LNPK: variants seen among roughly 807,000 people sequenced by gnomAD.
The protein encoded by LNPK is lunapark, ER junction formation factor.
Under a neutral mutation model 55.2 loss-of-function variants are expected in LNPK, and 29 were observed. The observed-to-expected ratio is 0.53, with a 90% CI of 0.39 to 0.72. The LOEUF (loss-of-function observed/expected upper bound fraction) is 0.72. Among genes scored for constraint, LNPK ranks in the 30% least tolerant of loss-of-function variants. LNPK has a pLI of 0.00. For synonymous variants in LNPK, 162 were observed against 168.2 expected (o/e 0.96, Z 0.29); for missense variants, 467 against 494.8 (o/e 0.94, Z 0.53).
rs1452955369 is a variant in LNPK, at chr2:175,930,721, C to G, written c.1055-522G>C. Among the ~76,000 whole-genome samples the G allele has an allele frequency of 3.3e-5, 5 of 152,138 alleles. No homozygotes were observed. In the East Asian group the frequency reaches 7.7e-4, roughly 24 times the overall value. On this transcript the variant is annotated intron_variant, in intron 12 of 12. Coordinates refer to ENST00000272748, the MANE Select transcript of LNPK (RefSeq NM_030650.3). ...GGTGCGTTCCTACACTGATATACAT[C>G]TCTATTATCCAAAAACTGGGAAGTC...
chr2:175,952,894 A>G (rs1424668720), intron 8 of LNPK, among the ~76,000 whole-genome samples: 1 of 152,092 alleles, frequency 6.6e-6, no homozygotes, highest in African/African-American at 2.4e-5. Flanking sequence ...GCTAGGAACC[A>G]TGCTAGGCAC....
chr2:175,956,327 C>T (rs537691579), intron 8 of LNPK, among the ~76,000 whole-genome samples: 25 of 148,518 alleles, frequency 1.7e-4, no homozygotes, highest in African/African-American at 6.2e-4. Context: ...CTCCAAAAAT[C>T]TGATCATTCT....
Position 175,938,134 on chromosome 2 carries a change from T to C in LNPK, c.883+179A>G, listed in dbSNP as rs143382927. Among the ~76,000 whole-genome samples, 298 of 152,274 alleles carry C rather than the reference T, an allele frequency of 2.0e-3. 4 individuals carry two copies. Among genetic ancestry groups the C allele is most frequent in the African/African-American group, 6.8e-3 (283 of 41,574 alleles). On this transcript the variant is annotated intron_variant, in intron 11 of 12. Transcript: ENST00000272748. Reference sequence around the variant, plus strand: ...CAACTGGCCTAGGGGCTGTACATTATATAGGAAGAAACCTGAATTGTCTTC... The same window carrying C: ...CAACTGGCCTAGGGGCTGTACATTACATAGGAAGAAACCTGAATTGTCTTC...
chr2:175,959,770 C>T (rs892252621), intron 8 of LNPK, among the ~76,000 whole-genome samples: 22 of 151,806 alleles, frequency 1.4e-4, no homozygotes, highest in Admixed American at 5.9e-4. Flanking sequence ...GACTGGCAAA[C>T]TGGATAGAGT....
chr2:175,987,676 A>T lies in LNPK; in HGVS notation c.257+4555T>A, dbSNP rs1002220652. ...TACCCTAAAACTTAAAGTATAATTA[A>T]AAAAAAAAAAATCACTACATTCCTA... On this transcript the variant is annotated intron_variant, in intron 4 of 12. Transcript: ENST00000272748. Among the ~76,000 whole-genome samples, 7 of 12,638 alleles carry T rather than the reference A, an allele frequency of 5.5e-4. No homozygotes were observed. In the East Asian group the frequency reaches 0.021, roughly 37 times the overall value. The allele number at this position is 12,638 out of a possible 152,430, so 8.3% of individuals were successfully genotyped here. A position where few individuals can be genotyped will look rare whatever the true frequency, so the allele number is the denominator to read the frequency against.
At chr2:175,957,307 G>T (rs896946259) in intron 8 of LNPK, among the ~76,000 whole-genome samples, 1 of 151,854 alleles carries the variant, frequency 6.6e-6, no homozygotes, top group African/African-American at 2.4e-5. Context: ...GCAGCAAGCC[G>T]AGATCACGCC....
intron 11 of LNPK, 160 bp from the exon 12 acceptor site, chr2:175,937,674 G>A: frequency 2.0e-6 from 1 of 501,656 alleles, no homozygotes; most frequent in East Asian, 3.2e-5. Context: ...GCTCTAAACA[G>A]AACTAAAGCA....
At chr2:176,001,513 C>A (rs1189404969) in intron 1 of LNPK, among the ~76,000 whole-genome samples, 3 of 152,160 alleles carry the variant, frequency 2.0e-5, no homozygotes, top group African/African-American at 7.2e-5. Context: ...CCTCCTACCA[C>A]GCCTCTGATA....
intron 9 of LNPK, among the ~76,000 whole-genome samples, chr2:175,944,485 T>G (rs951718736): frequency 6.6e-6 from 1 of 152,072 alleles, no homozygotes. Context: ...GAGAACTATT[T>G]GCAGGAGATA....
At position 175,993,217 on chromosome 2, in the gene LNPK, G is replaced by T; in HGVS notation, c.34C>A (p.Pro12Thr). 1 of 1,553,932 alleles carries T rather than the reference G, an allele frequency of 6.4e-7. No homozygotes were observed. Among genetic ancestry groups the T allele is most frequent in the Non-Finnish European group, 8.7e-7 (1 of 1,144,648 alleles). ...CTTTCTAGAACTTCTACAGTTGAAG[G>T]TTTTGTCTGTTATACAAACAGAAAC... ...GGLFSRWRTK[P>T]STVEVLESID... The change falls in exon 3 of 13, where the codon CCT (proline) becomes ACT (threonine). Residue 12 changes from proline (P) to threonine (T), a missense_variant. By Grantham distance (38) the Pro-to-Thr change is conservative. Coordinates refer to ENST00000272748, the MANE Select transcript of LNPK (RefSeq NM_030650.3).
At chr2:175,944,257 TGAAA>T (rs530806436) in intron 9 of LNPK, among the ~76,000 whole-genome samples, 26 of 152,128 alleles carry the variant, frequency 1.7e-4, no homozygotes, top group African/African-American at 5.3e-4. Flanking sequence ...AAAACATTGC[TGAAA>T]GAAATTAATG....
At chr2:175,931,989 C>G (rs1684301483) in intron 12 of LNPK, 3 of 316,838 alleles carry the variant, frequency 9.5e-6, no homozygotes, top group African/African-American at 6.5e-5. Flanking sequence ...TTGGCAAGAA[C>G]TTCACAATTT....
chr2:175,955,006 A>G (rs1296954733), intron 8 of LNPK, among the ~76,000 whole-genome samples: 1 of 152,242 alleles, frequency 6.6e-6, no homozygotes, highest in Non-Finnish European at 1.5e-5. Context: ...GTGAGGACTG[A>G]CAACTTAGTC....
intron 8 of LNPK, among the ~76,000 whole-genome samples, chr2:175,948,557 T>C (rs569022421): frequency 1.3e-5 from 2 of 152,356 alleles, no homozygotes; most frequent in African/African-American, 4.8e-5. Context: ...AATTCTATTA[T>C]TCTCTATTCC....
chr2:175,985,761 A>G (rs1221971009), intron 4 of LNPK, among the ~76,000 whole-genome samples: 1 of 152,224 alleles, frequency 6.6e-6, no homozygotes, highest in Non-Finnish European at 1.5e-5. Context: ...AACAAAAATA[A>G]CTAATAATAA....
In LNPK at chr2:175,926,669, C is replaced by G. The variant is rs1047138264; in HGVS notation, c.*3298G>C. ...TATATATACAGCAGTTAGCATGTTG[C>G]CTGGCACAGAATAAGAATGCAAATG... On this transcript the variant is annotated 3_prime_UTR_variant, in exon 13 of 13. Transcript: ENST00000272748. 1 of 152,146 alleles carries G rather than the reference C, an allele frequency of 6.6e-6. No individual in the cohort carries two copies. Among genetic ancestry groups the G allele is most frequent in the Admixed American group, 6.5e-5 (1 of 15,276 alleles). 9.4% of individuals were successfully genotyped at this position (152,146 alleles called of 1,614,324 possible). A position where few individuals can be genotyped will look rare whatever the true frequency, so the allele number is the denominator to read the frequency against.
chr2:175,930,622 A>C (rs1684237050), intron 12 of LNPK, among the ~76,000 whole-genome samples: 2 of 126,702 alleles, frequency 1.6e-5, no homozygotes, highest in Non-Finnish European at 3.2e-5. Flanking sequence ...CCTTGTGTCC[A>C]GGCAACCCTG....
At chr2:176,002,404 T>G (rs975962871), upstream of LNPK, 4 of 348,058 alleles carry the variant, frequency 1.1e-5, no homozygotes, top group African/African-American at 9.0e-5. Flanking sequence ...GGCCGGGAGG[T>G]TAGGATCTTG....
chr2:175,938,534 T>G (rs1684662685), intron 10 of LNPK, 151 bp from the exon 11 acceptor site: 1 of 421,928 alleles, frequency 2.4e-6, no homozygotes, highest in Non-Finnish European at 4.4e-6. Flanking sequence ...ACAAACAATA[T>G]TCATTAAATA....
Sources: gnomAD v4.1 joint callset for allele counts (sites outside exome capture counted in the v4.1 genomes callset) on GRCh38, gnomAD v4.1.1 for gene constraint, MANE v1.5 for transcripts, NCBI Gene and HGNC (gene_info 2026-07-23, HGNC 2026-07-21) for gene names.